GRAMD4: variants seen among roughly 807,000 people sequenced by gnomAD.
GRAMD4 encodes the protein GRAM domain containing 4.
GRAMD4 carries 25 observed loss-of-function variants against 83.9 expected under a neutral mutation model. The ratio of observed to expected loss-of-function variants is 0.30; its 90% CI spans 0.22 to 0.42. The LOEUF is 0.42. Ranked by LOEUF, GRAMD4 falls within the 10% of genes least tolerant of loss-of-function variation. The pLI is 1.00. For synonymous variants in GRAMD4, 336 were observed against 320.9 expected, an observed-to-expected ratio of 1.05 and a Z score of -0.50; for missense variants, 593 against 788.7, an observed-to-expected ratio of 0.75 and a Z score of 2.97.
In GRAMD4 at chr22:46,620,440, C is replaced by A. The variant is rs1477932606; in HGVS notation, c.-175C>A. 3 of 985,192 alleles carry A rather than the reference C, an allele frequency of 3.0e-6. No individual in the cohort carries two copies. The highest frequency in any genetic ancestry group is 1.1e-4 in the East Asian group (1 of 8,804). The allele number at this position is 985,192 out of a possible 1,614,324, so 61.0% of individuals were successfully genotyped here. A position where few individuals can be genotyped will look rare whatever the true frequency, so the allele number is the denominator to read the frequency against. On this transcript the variant is annotated 5_prime_UTR_variant, in exon 1 of 19. Transcript: ENST00000406902. The surrounding 1 kb of genome is among the most constrained non-coding windows in gnomAD (Gnocchi z 4.7). ...GGCAGCAGACACCACCCTCTCCGTG[C>A]CTGCTGGTGTTGGGCGGCTTGGAGG...
upstream of GRAMD4, among the ~76,000 whole-genome samples, chr22:46,619,205 A>G (rs1307115007): frequency 1.3e-5 from 2 of 152,170 alleles, no homozygotes; most frequent in East Asian, 1.9e-4. Flanking sequence ...ACGGGCTGGA[A>G]GGGCAGGATC....
chr22:46,582,555 C>T (rs2081108625), intron 1 of GRAMD4, among the ~76,000 whole-genome samples: 1 of 152,136 alleles, frequency 6.6e-6, no homozygotes, highest in Non-Finnish European at 1.5e-5. Flanking sequence ...AGTTAGGGGT[C>T]TCTGCTCATG....
At chr22:46,665,477 C>T (rs1470992621) in intron 8 of GRAMD4, 138 bp from the exon 9 acceptor site, 5 of 603,458 alleles carry the variant, frequency 8.3e-6, no homozygotes, top group Non-Finnish European at 6.0e-6. Flanking sequence ...CAGACGCACC[C>T]TCATCCCTGA....
chr22:46,672,770 G>A lies in GRAMD4; in HGVS notation c.1085-73G>A, dbSNP rs991458253. On this transcript the variant is annotated intron_variant, in intron 13 of 18. Transcript: ENST00000406902. This position sits in a 1 kb window ranked among gnomAD's most constrained non-coding sequence, Gnocchi z 4.7. ...GCCAATCTGGGAGGTGGGAGGTGCC[G>A]GAACCATCACCCTGAGTAGACTGGC... 20 of 1,266,772 alleles carry A rather than the reference G, an allele frequency of 1.6e-5. No homozygotes were observed. In the African/African-American group the frequency reaches 1.9e-4, roughly 12 times the overall value. 78.5% of individuals were successfully genotyped at this position (1,266,772 alleles called of 1,614,324 possible). A position where few individuals can be genotyped will look rare whatever the true frequency, so the allele number is the denominator to read the frequency against.
chr22:46,677,287 T>C lies in GRAMD4; in HGVS notation c.*36T>C, dbSNP rs2082613343. On this transcript the variant is annotated 3_prime_UTR_variant, in exon 19 of 19. Transcript: ENST00000406902. ...CCCAGGACGTTGCTGGAATTTTCTT[T>C]TTCTTTTTCTTTTTCTTTTTTTTTT... is the stretch of plus-strand genomic sequence containing the variant. The C allele has an allele frequency of 6.4e-7, 1 of 1,559,192 alleles. No individual in the cohort carries two copies.
rs890216307 is a variant in GRAMD4, at chr22:46,672,672, C to T, written c.1085-171C>T. 2.0e-5 allele frequency among the ~76,000 whole-genome samples: 3 copies of T among 151,652 alleles called. No individual in the cohort carries two copies. In the South Asian group the frequency reaches 6.2e-4, roughly 32 times the overall value. ...GCAGCACGAATGGGCCCCAGGGGAG[C>T]GAGGCTGGGGGTATCCAGGGTGAGG... On this transcript the variant is annotated intron_variant, in intron 13 of 18. Transcript: ENST00000406902. The surrounding 1 kb of genome is among the most constrained non-coding windows in gnomAD (Gnocchi z 4.7).
At chr22:46,577,296 C>A in intron 1 of GRAMD4, 1 of 979,564 alleles carries the variant, frequency 1.0e-6, no homozygotes, top group Non-Finnish European at 1.2e-6. Flanking sequence ...TCAGGGTAAG[C>A]GGCGCGCGCG....
chr22:46,679,557 G>A lies in GRAMD4; in HGVS notation c.*2306G>A, dbSNP rs763013968. 1.1e-5 allele frequency: 11 copies of A among 985,264 alleles called. No homozygotes were observed. The highest frequency in any genetic ancestry group is 1.3e-5 in the Non-Finnish European group (11 of 829,696). 61.0% of individuals were successfully genotyped at this position (985,264 alleles called of 1,614,324 possible). Reference sequence around the variant, plus strand: ...TGTTTAATTTCTGTGACTAATCACTGAACTAGACGAATGTTAAATTTTTTA... The same window carrying A: ...TGTTTAATTTCTGTGACTAATCACTAAACTAGACGAATGTTAAATTTTTTA... On this transcript the variant is annotated 3_prime_UTR_variant, in exon 19 of 19. Transcript: ENST00000406902.
At chr22:46,626,714 T>G in intron 1 of GRAMD4, 37 bp from the exon 2 acceptor site, 4 of 1,352,078 alleles carry the variant, frequency 3.0e-6, no homozygotes, top group East Asian at 2.4e-5. Context: ...GGCTTGGAGG[T>G]GGCGAGCGGG....
intron 1 of GRAMD4, among the ~76,000 whole-genome samples, chr22:46,588,279 G>A (rs796448842): frequency 4.6e-5 from 7 of 151,960 alleles, no homozygotes; most frequent in African/African-American, 1.7e-4. Context: ...TGGATGAGGA[G>A]CCAGTAGGTC....
At chr22:46,648,350 ATGGATGG>A (rs2082101496) in intron 3 of GRAMD4, among the ~76,000 whole-genome samples, 1 of 147,970 alleles carries the variant, frequency 6.8e-6, no homozygotes, top group African/African-American at 2.5e-5. Context: ...GGATGGATGG[ATGGATGG>A]ATGAATGGGT....
chr22:46,655,134 C>G (rs1024132915), intron 3 of GRAMD4, among the ~76,000 whole-genome samples: 3 of 152,082 alleles, frequency 2.0e-5, no homozygotes, highest in Non-Finnish European at 2.9e-5. Context: ...CCAGCACATG[C>G]AAAAGTCCTG....
At chr22:46,680,787 CACCT>C (rs1167113821), downstream of GRAMD4, among the ~76,000 whole-genome samples, 3 of 136,560 alleles carry the variant, frequency 2.2e-5, no homozygotes, top group African/African-American at 6.0e-5. Context: ...TCCACCCACC[CACCT>C]ATCCATTCAC....
In GRAMD4 at chr22:46,661,411, A is replaced by C. The variant is rs775281947; in HGVS notation, c.435A>C (p.Pro145=). 1.9e-6 allele frequency: 3 copies of C among 1,612,078 alleles called. No homozygotes were observed. In the East Asian group the frequency reaches 6.7e-5, roughly 36 times the overall value. ...AGGAGCAGATGGCTCAGCAGCCCCC[A>C]AAAGGGCAGGCCCAGGCCAGCAATG... The part of the protein sequence containing the change: ...RTEEQMAQQP[P]KGQAQASNGA... Residue 145 remains proline (P), a synonymous_variant, in exon 5 of 19, where the codon CCA becomes CCC. Transcript: ENST00000406902.
intron 3 of GRAMD4, among the ~76,000 whole-genome samples, chr22:46,650,179 T>C (rs1472392242): frequency 6.6e-6 from 1 of 152,194 alleles, no homozygotes; most frequent in Non-Finnish European, 1.5e-5. Context: ...ATTTTTATTT[T>C]TGGGTGAGGC....
At chr22:46,619,206 G>A (rs1210480161), upstream of GRAMD4, among the ~76,000 whole-genome samples, 1 of 152,218 alleles carries the variant, frequency 6.6e-6, no homozygotes, top group Non-Finnish European at 1.5e-5. Context: ...CGGGCTGGAA[G>A]GGCAGGATCT....
intron 13 of GRAMD4, 65 bp downstream of exon 13, chr22:46,668,973 G>A: frequency 1.1e-6 from 1 of 880,436 alleles, no homozygotes; most frequent in South Asian, 1.3e-5. Context: ...CATGCCACCA[G>A]TGTCTGCCAG....
At chr22:46,681,634 G>A (rs533027067), downstream of GRAMD4, among the ~76,000 whole-genome samples, 2 of 152,340 alleles carry the variant, frequency 1.3e-5, no homozygotes, top group East Asian at 3.9e-4. Flanking sequence ...TGGCACTCTG[G>A]CTGCAAATCA....
intron 3 of GRAMD4, among the ~76,000 whole-genome samples, chr22:46,643,136 CATCCT>C (rs2082004962): frequency 2.6e-5 from 2 of 76,780 alleles, no homozygotes; most frequent in Non-Finnish European, 5.4e-5. Context: ...TCCATCCATG[CATCCT>C]TCCATCCATC....
Sources: gnomAD v4.1 joint callset for allele counts (sites outside exome capture counted in the v4.1 genomes callset) on GRCh38, gnomAD v4.1.1 for gene constraint, Gnocchi (gnomAD v3.1) non-coding constraint, MANE v1.5 for transcripts, NCBI Gene and HGNC (gene_info 2026-07-23, HGNC 2026-07-21) for gene names.